The following RIC3 variants were observed in gnomAD, a reference collection of about 807,000 sequenced individuals.
RIC3 encodes protein RIC-3.
Under a neutral mutation model 27.3 loss-of-function variants are expected in RIC3, and 28 were observed. The ratio of observed to expected loss-of-function variants is 1.02; its 90% CI spans 0.76 to 1.41. The LOEUF (loss-of-function observed/expected upper bound fraction) is 1.41, where lower values mean the gene tolerates loss of function less well. Among genes scored for constraint, RIC3 ranks in the 40% most tolerant of loss-of-function variants. The pLI, the probability that RIC3 is intolerant of heterozygous loss-of-function variation, is 0.00. For missense variants in RIC3, 501 were observed against 444.7 expected (o/e 1.13, Z -1.14); for synonymous variants, 184 against 160.4 (o/e 1.15, Z -1.11).
chr11:8,097,650 G>C, the RIC3 span: 1 of 1,425,764 alleles, frequency 7.0e-7, no homozygotes. Context: ...TGTGTGAGTG[G>C]CTCTCATGAC....
the RIC3 span, chr11:8,101,000 G>A: frequency 9.3e-6 from 15 of 1,613,964 alleles, no homozygotes; most frequent in African/African-American, 1.3e-5. Context: ...CAATGACCGT[G>A]AGTGTTTCTG....
chr11:8,101,031 T>C, the RIC3 span: 53 of 1,612,880 alleles, frequency 3.3e-5, no homozygotes, highest in African/African-American at 5.1e-4. Flanking sequence ...TTATGGTCCG[T>C]AGGATACCCA....
At chr11:8,137,192 T>C (rs1200189774) in intron 4 of RIC3, among the ~76,000 whole-genome samples, 186 bp downstream of exon 4, 1 of 152,104 alleles carries the variant, frequency 6.6e-6, no homozygotes, top group Non-Finnish European at 1.5e-5. Context: ...ACCTGGCTAA[T>C]TTTGTATTTT....
At chr11:8,152,518 G>C (rs899717805) in intron 1 of RIC3, among the ~76,000 whole-genome samples, 8 of 152,204 alleles carry the variant, frequency 5.3e-5, no homozygotes, top group African/African-American at 1.9e-4. Context: ...GGATAGTCAA[G>C]TCTATAGGAC....
downstream of RIC3, chr11:8,102,196 T>A (rs1944337512): frequency 1.3e-5 from 2 of 152,510 alleles, no homozygotes; most frequent in African/African-American, 4.8e-5. Context: ...GGGAGGGTGG[T>A]GGGGACAGGT....
intron 1 of RIC3, among the ~76,000 whole-genome samples, chr11:8,151,354 G>A (rs1006594223): frequency 1.2e-4 from 18 of 151,850 alleles, no homozygotes; most frequent in South Asian, 6.2e-4. Flanking sequence ...TTGGGAGGCC[G>A]AGACGGGCGG....
intron 5 of RIC3, among the ~76,000 whole-genome samples, chr11:8,124,406 G>A (rs1376106030): frequency 6.6e-6 from 1 of 152,184 alleles, no homozygotes; most frequent in Non-Finnish European, 1.5e-5. Flanking sequence ...AATAAATGGT[G>A]AGATATAAGA....
chr11:8,138,202 G>C, intron 3 of RIC3, 70 bp downstream of exon 3: 1 of 1,098,178 alleles, frequency 9.1e-7, no homozygotes, highest in Non-Finnish European at 1.4e-6. Flanking sequence ...CATACCCACA[G>C]ACTGTCCCTG....
intron 1 of RIC3, among the ~76,000 whole-genome samples, chr11:8,167,796 G>C (rs911087802): frequency 3.9e-5 from 6 of 151,972 alleles, no homozygotes; most frequent in African/African-American, 1.5e-4. Flanking sequence ...GAACAAATAC[G>C]CAAAGATGTT....
chr11:8,100,686 T>TA, the RIC3 span: 1 of 1,489,276 alleles, frequency 6.7e-7, no homozygotes, highest in South Asian at 1.1e-5. Context: ...AGCTGATGTG[T>TA]GTATGTGGAG....
At chr11:8,168,349 A>G (rs989162953) in intron 1 of RIC3, among the ~76,000 whole-genome samples, 3 of 152,202 alleles carry the variant, frequency 2.0e-5, no homozygotes, top group Non-Finnish European at 2.9e-5. Flanking sequence ...TCTTCAAGAT[A>G]TATTTTTAAA....
intron 4 of RIC3, among the ~76,000 whole-genome samples, chr11:8,129,166 C>T (rs1462633273): frequency 6.6e-6 from 1 of 151,738 alleles, no homozygotes; most frequent in Non-Finnish European, 1.5e-5. Context: ...CTTGAAACCT[C>T]CTCCTCCCTT....
intron 1 of RIC3, among the ~76,000 whole-genome samples, chr11:8,150,933 A>G (rs998299726): frequency 1.3e-5 from 2 of 152,200 alleles, no homozygotes; most frequent in Non-Finnish European, 2.9e-5. Context: ...ACAGGTAGAT[A>G]TTCACATGTA....
At chr11:8,119,350 T>G (rs569831490) in intron 5 of RIC3, among the ~76,000 whole-genome samples, 1 of 152,110 alleles carries the variant, frequency 6.6e-6, no homozygotes, top group Admixed American at 6.5e-5. Context: ...AATAGAGATA[T>G]AGACCAATGG....
In RIC3 at chr11:8,138,309, G is replaced by A. The variant is rs370381297; in HGVS notation, c.390C>T (p.Cys130=). ...KGKTTAEDGK[C]YTAMPGNTHR... ...GGGTGTTTCCAGGCATGGCAGTATAGCATTTCCCATCCTCTGCAGTTGTTT... is the reference window on the plus strand; with the variant it reads ...GGGTGTTTCCAGGCATGGCAGTATAACATTTCCCATCCTCTGCAGTTGTTT... Residue 130 remains cysteine, a synonymous_variant, in exon 3 of 6, where the codon TGC becomes TGT. Transcript: ENST00000309737. 6.8e-6 allele frequency: 11 copies of A among 1,613,318 alleles called. No individual in the cohort carries two copies. The highest frequency in any genetic ancestry group is 8.5e-6 in the Non-Finnish European group (10 of 1,179,536).
chr11:8,128,843 C>T (rs574016365), intron 4 of RIC3, among the ~76,000 whole-genome samples: 15 of 151,114 alleles, frequency 9.9e-5, no homozygotes, highest in African/African-American at 3.7e-4. Flanking sequence ...CAAGCTCCGC[C>T]TCCCGGGTTC....
rs1277764503 is a variant in RIC3 at position 8,138,332 on chromosome 11, T to C, written c.367A>G (p.Thr123Ala). 1 of 1,613,038 alleles carries C rather than the reference T, an allele frequency of 6.2e-7. No homozygotes were observed. The highest frequency in any genetic ancestry group is 2.2e-5 in the East Asian group (1 of 44,856). The change falls in exon 3 of 6, where the codon ACA (threonine) becomes GCA (alanine). Residue 123 changes from threonine to alanine, a missense_variant. Thr to Ala is a moderately conservative substitution (Grantham distance 58). Coordinates refer to ENST00000309737, the MANE Select transcript of RIC3 (RefSeq NM_001206671.4). Reference protein sequence around the residue: ...YILFKLSKGKTTAEDGKCYTA... With the variant: ...YILFKLSKGKATAEDGKCYTA... ...TAGCATTTCCCATCCTCTGCAGTTG[T>C]TTTCCCCTTTGAGAGCTGAGAATTG... is the stretch of plus-strand genomic sequence containing the variant.
chr11:8,138,140 C>A, intron 3 of RIC3, 132 bp downstream of exon 3: 1 of 600,632 alleles, frequency 1.7e-6, no homozygotes, highest in Non-Finnish European at 2.9e-6. Context: ...AGAACTAAGG[C>A]AAAAATGGCA....
intron 4 of RIC3, among the ~76,000 whole-genome samples, chr11:8,133,746 T>A (rs1948020630): frequency 6.6e-6 from 1 of 152,126 alleles, no homozygotes; most frequent in Non-Finnish European, 1.5e-5. Flanking sequence ...GAGACATAAA[T>A]CTGGGATGAA....
Sources: gnomAD v4.1 joint callset for allele counts (sites outside exome capture counted in the v4.1 genomes callset) on GRCh38, gnomAD v4.1.1 for gene constraint, MANE v1.5 for transcripts, NCBI Gene and HGNC (gene_info 2026-07-23, HGNC 2026-07-21) for gene names.